The following ZNF705G variants were observed in gnomAD, a reference collection of about 807,000 sequenced individuals.
ZNF705G encodes putative zinc finger protein 705G.
In ZNF705G, 23 loss-of-function variants were observed where a neutral mutation model predicts 19.6. The observed-to-expected ratio is 1.17, with a 90% confidence interval of 0.84 to 1.66. The LOEUF (loss-of-function observed/expected upper bound fraction) is 1.66, where lower values mean the gene tolerates loss of function less well. Ranked by LOEUF, ZNF705G falls within the 40% of genes most tolerant of loss-of-function variation. ZNF705G has a pLI of 0.00. For missense variants in ZNF705G, 457 were observed against 354.4 expected, an observed-to-expected ratio of 1.29 and a Z score of -2.32; for synonymous variants, 146 against 117.7, an observed-to-expected ratio of 1.24 and a Z score of -1.56.
Position 7,369,128 on chromosome 8 carries a change from C to T in ZNF705G, c.-71-6111G>A, listed in dbSNP as rs188255146. Reference sequence around the variant, plus strand: ...AACTCGTGAGACTTATTCACTACCACGAGAACAGCATGGGAGAAACTGCCC... The same window carrying T: ...AACTCGTGAGACTTATTCACTACCATGAGAACAGCATGGGAGAAACTGCCC... On this transcript the variant is annotated intron_variant, in intron 2 of 6. Transcript: ENST00000400156. Among the ~76,000 whole-genome samples the T allele has an allele frequency of 3.0e-4, 45 of 149,504 alleles. 1 individual carries two copies. In the Middle Eastern group the frequency reaches 0.014, roughly 46 times the overall value.
chr8:7,382,546 T>C (rs1270308975), intron 1 of ZNF705G, among the ~76,000 whole-genome samples: 7 of 146,496 alleles, frequency 4.8e-5, no homozygotes, highest in Non-Finnish European at 1.0e-4. Flanking sequence ...CCTTTAAACA[T>C]TTTTTATTTC....
At chr8:7,362,548 T>C (rs1421775560) in intron 3 of ZNF705G, among the ~76,000 whole-genome samples, 7 of 149,788 alleles carry the variant, frequency 4.7e-5, no homozygotes, top group East Asian at 1.9e-4. Flanking sequence ...GGCAACAGTA[T>C]AGTTAATGGG....
At chr8:7,383,225 A>T (rs1365233257) in intron 1 of ZNF705G, among the ~76,000 whole-genome samples, 2 of 149,424 alleles carry the variant, frequency 1.3e-5, no homozygotes, top group Admixed American at 1.3e-4. Context: ...TAGGTGACAC[A>T]TTAGGGGCCA....
Position 7,358,125 on chromosome 8 carries a change from C to T in ZNF705G, c.754G>A (p.Gly252Arg), listed in dbSNP as rs541307447. ...TTATCACATTCATAACACTTTTTTC[C>T]AAGGTGAGTTCTCTCATGTCTTTGA... ...NLQRHERTHLGKKCYECDKSG... is the reference protein window; with the variant it reads ...NLQRHERTHLRKKCYECDKSG... The change falls in exon 7 of 7, where the codon GGA becomes AGA. Residue 252 changes from glycine to arginine, a missense_variant. Coordinates refer to ENST00000400156, the MANE Select transcript of ZNF705G (RefSeq NM_001164457.3). The T allele has an allele frequency of 3.7e-6, 6 of 1,607,546 alleles. No homozygotes were observed. Among genetic ancestry groups the T allele is most frequent in the Non-Finnish European group, 5.1e-6 (6 of 1,179,690 alleles).
At chr8:7,361,542 G>A (rs1174049226) in intron 3 of ZNF705G, among the ~76,000 whole-genome samples, 1 of 149,634 alleles carries the variant, frequency 6.7e-6, no homozygotes, top group Non-Finnish European at 1.5e-5. Flanking sequence ...ATTTTCACTT[G>A]AACATTCATA....
intron 3 of ZNF705G, among the ~76,000 whole-genome samples, chr8:7,362,366 A>G (rs1237943132): frequency 6.7e-6 from 1 of 149,698 alleles, no homozygotes; most frequent in African/African-American, 2.6e-5. Context: ...GCTCAAATAC[A>G]TTTTATCAAA....
intron 2 of ZNF705G, among the ~76,000 whole-genome samples, chr8:7,363,985 A>T (rs1428002060): frequency 6.7e-6 from 1 of 149,502 alleles, no homozygotes. Context: ...ATACAGTCAC[A>T]ATCCTCTAGG....
At chr8:7,367,842 C>T (rs1806929009) in intron 2 of ZNF705G, among the ~76,000 whole-genome samples, 1 of 149,736 alleles carries the variant, frequency 6.7e-6, no homozygotes, top group African/African-American at 2.6e-5. Context: ...GCTTATGGAC[C>T]CATGCAGCTA....
intron 1 of ZNF705G, among the ~76,000 whole-genome samples, chr8:7,384,832 A>G (rs1216231757): frequency 6.8e-6 from 1 of 146,064 alleles, no homozygotes; most frequent in Admixed American, 6.6e-5. Flanking sequence ...AAGAATGAAC[A>G]TTCTTGAACA....
chr8:7,380,710 G>A (rs1245964953), intron 2 of ZNF705G, among the ~76,000 whole-genome samples: 4 of 146,280 alleles, frequency 2.7e-5, no homozygotes, highest in South Asian at 2.1e-4. Context: ...CCTATCTACC[G>A]AGCTCACCAC....
chr8:7,364,716 G>T (rs58448546), intron 2 of ZNF705G, among the ~76,000 whole-genome samples: 4 of 149,202 alleles, frequency 2.7e-5, no homozygotes, highest in Admixed American at 2.6e-4. Flanking sequence ...ACTTCAACAA[G>T]CACTTTTCAA....
intron 4 of ZNF705G, among the ~76,000 whole-genome samples, chr8:7,360,604 T>A (rs1806530099): frequency 6.7e-6 from 1 of 149,454 alleles, no homozygotes; most frequent in African/African-American, 2.6e-5. Flanking sequence ...ACGCAATGCA[T>A]AATACACAAT....
intron 5 of ZNF705G, among the ~76,000 whole-genome samples, chr8:7,359,972 A>G (rs1467698291): frequency 3.3e-5 from 5 of 149,480 alleles, no homozygotes; most frequent in East Asian, 3.9e-4. Context: ...TCAGGAAAAG[A>G]GTCAGCATAT....
At position 7,381,026 on chromosome 8, in the gene ZNF705G, C is replaced by CAAAAAAA. The variant is rs1410321278; in HGVS notation, c.-72+419_-72+425dup. 4.5e-3 allele frequency among the ~76,000 whole-genome samples: 55 copies of CAAAAAAA among 12,300 alleles called. 8 individuals carry two copies. The highest frequency in any genetic ancestry group is 5.1e-3 in the Non-Finnish European group (44 of 8,644). The allele number at this position is 12,300 out of a possible 152,430, so 8.1% of individuals were successfully genotyped here. A position where few individuals can be genotyped will look rare whatever the true frequency, so the allele number is the denominator to read the frequency against. On this transcript the variant is annotated intron_variant, in intron 2 of 6. Transcript: ENST00000400156. ...GCTAGACTCTGTCTCAAACCACCAC[C>CAAAAAAA]AAAAAAAAAAAAAAAAAAAAAAAAA...
At chr8:7,364,858 C>T (rs1449934339) in intron 2 of ZNF705G, among the ~76,000 whole-genome samples, 1 of 149,478 alleles carries the variant, frequency 6.7e-6, no homozygotes, top group Admixed American at 6.6e-5. Flanking sequence ...GTCTATAATT[C>T]AAGCAGAACA....
Position 7,358,143 on chromosome 8 carries a change from G to A in ZNF705G, c.736C>T (p.His246Tyr), listed in dbSNP as rs1461299083. 1.9e-6 allele frequency: 3 copies of A among 1,607,570 alleles called. No homozygotes were observed. In the East Asian group the frequency reaches 6.7e-5, roughly 36 times the overall value. ...VFIQSFNLQR[H>Y]ERTHLGKKCY... ...TTTTTTCCAAGGTGAGTTCTCTCAT[G>A]TCTTTGAAGGTTAAAGGATTGAATA... Residue 246 changes from histidine to tyrosine, a missense_variant, in exon 7 of 7, where the codon CAT becomes TAT. By Grantham distance (83) the His-to-Tyr change is moderately conservative. Coordinates refer to ENST00000400156, the MANE Select transcript of ZNF705G (RefSeq NM_001164457.3).
chr8:7,380,997 C>G (rs1807468779), intron 2 of ZNF705G, among the ~76,000 whole-genome samples: 1 of 68,270 alleles, frequency 1.5e-5, no homozygotes, highest in Non-Finnish European at 2.2e-5. Context: ...GCCTGGCCTA[C>G]AGAGCTAGAC....
chr8:7,364,695 C>A (rs1335376995), intron 2 of ZNF705G, among the ~76,000 whole-genome samples: 39 of 149,736 alleles, frequency 2.6e-4, no homozygotes, highest in Non-Finnish European at 1.5e-4. Flanking sequence ...ACATTTAATG[C>A]ACATTTACAG....
At chr8:7,364,367 A>T (rs1363440545) in intron 2 of ZNF705G, among the ~76,000 whole-genome samples, 1 of 149,740 alleles carries the variant, frequency 6.7e-6, no homozygotes, top group Non-Finnish European at 1.5e-5. Flanking sequence ...AGTCCAGGAA[A>T]AATAAAAAGA....
Sources: gnomAD v4.1 joint callset for allele counts (sites outside exome capture counted in the v4.1 genomes callset) on GRCh38, gnomAD v4.1.1 for gene constraint, MANE v1.5 for transcripts, NCBI Gene and HGNC (gene_info 2026-07-23, HGNC 2026-07-21) for gene names.